NCAM2: variants seen among roughly 807,000 people sequenced by gnomAD.
NCAM2 encodes the protein neural cell adhesion molecule 2, also known as N-CAM-2.
Under a neutral mutation model 98.1 loss-of-function variants are expected in NCAM2, and 30 were observed. That is an observed-to-expected ratio of 0.31 (90% CI 0.23 to 0.41). The LOEUF is 0.41. Among genes scored for constraint, NCAM2 ranks in the 10% least tolerant of loss-of-function variants. The pLI is 1.00. For missense variants in NCAM2, 867 were observed against 1,005.8 expected (o/e 0.86, Z 1.87); for synonymous variants, 368 against 342.4 (o/e 1.07, Z -0.83).
At chr21:21,013,826 TAAAG>T (rs2064255417) in intron 1 of NCAM2, among the ~76,000 whole-genome samples, 1 of 151,710 alleles carries the variant, frequency 6.6e-6, no homozygotes, top group Admixed American at 6.6e-5. Context: ...TCATGAGGTT[TAAAG>T]AAAGAAGCCA....
intron 17 of NCAM2, among the ~76,000 whole-genome samples, chr21:21,535,849 C>T (rs969496035): frequency 3.9e-5 from 6 of 152,024 alleles, no homozygotes; most frequent in African/African-American, 1.4e-4. Flanking sequence ...ATATGATTAA[C>T]AGTGATCTTA....
At chr21:21,041,780 G>A (rs370326281) in intron 1 of NCAM2, among the ~76,000 whole-genome samples, 1 of 152,200 alleles carries the variant, frequency 6.6e-6, no homozygotes, top group Non-Finnish European at 1.5e-5. Context: ...GTATGTGTGT[G>A]TCTATTCACA....
intron 16 of NCAM2, among the ~76,000 whole-genome samples, chr21:21,529,483 G>T (rs961456500): frequency 6.6e-6 from 1 of 151,900 alleles, no homozygotes; most frequent in Admixed American, 6.6e-5. Context: ...TATGCATTCT[G>T]AAATAAAACA....
chr21:21,238,485 A>G (rs1052571569), intron 1 of NCAM2, among the ~76,000 whole-genome samples: 1 of 152,168 alleles, frequency 6.6e-6, no homozygotes, highest in African/African-American at 2.4e-5. Context: ...AAGCCCAAAT[A>G]TATTATTACA....
Position 21,338,506 on chromosome 21 carries a change from A to T in NCAM2, c.1016A>T (p.Asp339Val). ...IPEITWKRAV[D>V]GFTFTEGDKS... ...GAAATCACTTGGAAAAGAGCTGTGGATGGCTTCACGTTCACTGAAGGCGAT... is the reference window on the plus strand; with the variant it reads ...GAAATCACTTGGAAAAGAGCTGTGGTTGGCTTCACGTTCACTGAAGGCGAT... The change falls in exon 8 of 18, where the codon GAT (aspartate) becomes GTT (valine). Residue 339 changes from aspartate to valine, a missense_variant. This residue lies in a region of NCAM2 where 447 missense variants were observed against 495.7 expected (regional missense o/e 0.90). Transcript: ENST00000400546. 1 of 1,612,240 alleles carries T rather than the reference A, an allele frequency of 6.2e-7. No homozygotes were observed. Among genetic ancestry groups the T allele is most frequent in the Non-Finnish European group, 8.5e-7 (1 of 1,179,124 alleles).
intron 1 of NCAM2, among the ~76,000 whole-genome samples, chr21:21,133,729 G>T (rs1326840585): frequency 6.6e-6 from 1 of 152,146 alleles, no homozygotes; most frequent in East Asian, 1.9e-4. Flanking sequence ...AGTGCATAAT[G>T]CACAGTTGTT....
intron 1 of NCAM2, among the ~76,000 whole-genome samples, chr21:21,273,149 C>T (rs1296550641): frequency 6.6e-6 from 1 of 152,128 alleles, no homozygotes. Flanking sequence ...GCTGAGTGGC[C>T]AGTAGCAATG....
At chr21:21,484,844 A>T (rs2146289385) in intron 15 of NCAM2, among the ~76,000 whole-genome samples, 1 of 152,252 alleles carries the variant, frequency 6.6e-6, no homozygotes, top group African/African-American at 2.4e-5. Context: ...TTTTCCATTA[A>T]TTCCTAAAGT....
At chr21:21,364,194 A>AT (rs957372916) in intron 8 of NCAM2, among the ~76,000 whole-genome samples, 2 of 151,896 alleles carry the variant, frequency 1.3e-5, no homozygotes, top group African/African-American at 2.4e-5. Flanking sequence ...TCAGATTTTA[A>AT]TTTTTTTAGT....
intron 1 of NCAM2, among the ~76,000 whole-genome samples, chr21:21,112,228 A>G (rs1166463105): frequency 6.6e-6 from 1 of 152,060 alleles, no homozygotes; most frequent in East Asian, 1.9e-4. Context: ...CCCAGCCCCT[A>G]TCCTCCCTCA....
At chr21:21,176,629 T>TAA (rs2068298850) in intron 1 of NCAM2, among the ~76,000 whole-genome samples, 1 of 152,030 alleles carries the variant, frequency 6.6e-6, no homozygotes, top group Non-Finnish European at 1.5e-5. Flanking sequence ...AGGGAGAAAT[T>TAA]AATAACATTT....
intron 1 of NCAM2, among the ~76,000 whole-genome samples, chr21:21,255,393 T>C (rs891473615): frequency 2.0e-5 from 3 of 152,220 alleles, no homozygotes; most frequent in African/African-American, 7.2e-5. Flanking sequence ...CTTCACCTTC[T>C]GTGAAATCTC....
At chr21:21,173,568 T>G (rs941043038) in intron 1 of NCAM2, among the ~76,000 whole-genome samples, 2 of 152,184 alleles carry the variant, frequency 1.3e-5, no homozygotes, top group African/African-American at 4.8e-5. Context: ...AAACTGAGTT[T>G]ATTTAGTTGT....
intron 1 of NCAM2, among the ~76,000 whole-genome samples, chr21:21,082,333 A>G (rs2065824993): frequency 6.6e-6 from 1 of 151,794 alleles, no homozygotes; most frequent in Non-Finnish European, 1.5e-5. Context: ...TAAGTACAGA[A>G]GTGCTGTATG....
intron 14 of NCAM2, among the ~76,000 whole-genome samples, chr21:21,476,544 A>G (rs574137612): frequency 6.6e-6 from 1 of 152,180 alleles, no homozygotes; most frequent in African/African-American, 2.4e-5. Flanking sequence ...GTTTTAGATA[A>G]TTTAATTTAT....
At chr21:21,315,502 G>A (rs2074194717) in intron 5 of NCAM2, among the ~76,000 whole-genome samples, 1 of 152,176 alleles carries the variant, frequency 6.6e-6, no homozygotes, top group African/African-American at 2.4e-5. Flanking sequence ...GAGGATAAAA[G>A]CAATGGGAGA....
chr21:21,136,107 T>G (rs980965958), intron 1 of NCAM2, among the ~76,000 whole-genome samples: 4 of 152,202 alleles, frequency 2.6e-5, no homozygotes, highest in Admixed American at 2.0e-4. Flanking sequence ...GCCTTTCTCT[T>G]TCTTTACATC....
At chr21:21,158,106 G>T (rs1229469057) in intron 1 of NCAM2, among the ~76,000 whole-genome samples, 1 of 152,080 alleles carries the variant, frequency 6.6e-6, no homozygotes, top group Admixed American at 6.6e-5. Context: ...GAAGGCATAC[G>T]TATAGAATAC....
At chr21:21,532,031 G>T (rs2146421564) in intron 16 of NCAM2, among the ~76,000 whole-genome samples, 1 of 151,772 alleles carries the variant, frequency 6.6e-6, no homozygotes, top group East Asian at 1.9e-4. Context: ...TCTTACAATG[G>T]ATAGGAGATT....
Sources: gnomAD v4.1 joint callset for allele counts (sites outside exome capture counted in the v4.1 genomes callset) on GRCh38, gnomAD v4.1.1 for gene constraint, gnomAD v4.1.1 regional missense constraint, MANE v1.5 for transcripts, NCBI Gene and HGNC (gene_info 2026-07-23, HGNC 2026-07-21) for gene names.